DOCK8: variants seen among roughly 807,000 people sequenced by gnomAD.
DOCK8 encodes the protein dedicator of cytokinesis protein 8.
In DOCK8, 141 loss-of-function variants were observed where a neutral mutation model predicts 245.6. That is an observed-to-expected ratio of 0.57 (90% CI 0.50 to 0.66). The LOEUF is 0.66. DOCK8 is among the 30% of genes least tolerant of loss of function. The probability of loss-of-function intolerance (pLI) is 0.00; values close to 1 mark genes in which losing one functional copy is unlikely to be tolerated. For synonymous variants in DOCK8, 1,168 were observed against 970.2 expected (o/e 1.20, Z -3.79); for missense variants, 2,965 against 2,603.4 (o/e 1.14, Z -3.02).
chr9:233,615 C>T (rs1166677422), intron 1 of DOCK8, among the ~76,000 whole-genome samples: 1 of 152,052 alleles, frequency 6.6e-6, no homozygotes, highest in African/African-American at 2.4e-5. Flanking sequence ...GGATAGTTAG[C>T]TCTTCTTGTT....
At position 386,440 on chromosome 9, in the gene DOCK8, C is replaced by A; in HGVS notation, c.2874+14C>A. The A allele has an allele frequency of 6.2e-7, 1 of 1,607,344 alleles. No homozygotes were observed. Among genetic ancestry groups the A allele is most frequent in the South Asian group, 1.1e-5 (1 of 90,870 alleles). ...GCCAGCAAAAAGGTACTGAAGAGAG[C>A]AATGTGAGGTTCATCCCAGGATAAG... On this transcript the variant is annotated intron_variant, in intron 23 of 47. Coordinates refer to ENST00000432829, the MANE Select transcript of DOCK8 (RefSeq NM_203447.4).
chr9:423,296 T>C (rs1437961037), intron 33 of DOCK8, among the ~76,000 whole-genome samples: 1 of 152,198 alleles, frequency 6.6e-6, no homozygotes, highest in African/African-American at 2.4e-5. Context: ...AATTTAGACA[T>C]ATGAAAGCTA....
chr9:443,558 C>G, intron 43 of DOCK8, 42 bp downstream of exon 43: 1 of 1,490,486 alleles, frequency 6.7e-7, no homozygotes, highest in South Asian at 1.1e-5. Context: ...AGCTCTAAAT[C>G]CCTTCGTTCT....
intron 14 of DOCK8, chr9:366,113 G>A (rs2052985496): frequency 5.9e-6 from 1 of 168,182 alleles, no homozygotes; most frequent in African/African-American, 2.4e-5. Context: ...GCTCAGTCTA[G>A]GTGCCTCCTG....
intron 1 of DOCK8, among the ~76,000 whole-genome samples, chr9:225,302 C>G (rs538012804): frequency 2.0e-5 from 3 of 152,274 alleles, no homozygotes; most frequent in African/African-American, 7.2e-5. Context: ...AAGGGCAACA[C>G]CTCTGAGGAG....
At position 399,246 on chromosome 9, in the gene DOCK8, A is replaced by T. The variant is rs778203707; in HGVS notation, c.3221A>T (p.His1074Leu). 1 of 1,612,844 alleles carries T rather than the reference A, an allele frequency of 6.2e-7. No individual in the cohort carries two copies. Among genetic ancestry groups the T allele is most frequent in the East Asian group, 2.2e-5 (1 of 44,834 alleles). Reference sequence around the variant, plus strand: ...GGCTTTGTGTTTAACCTCATCAGACATTATTGCAGCCAGGTGAGTGTCCCC... The same window carrying T: ...GGCTTTGTGTTTAACCTCATCAGACTTTATTGCAGCCAGGTGAGTGTCCCC... ...DRGFVFNLIR[H>L]YCSQLSAKLS... Residue 1074 changes from histidine to leucine, a missense_variant, in exon 26 of 48, where the codon CAT becomes CTT. Physicochemically the swap from His to Leu is moderately conservative, Grantham distance 99 (BLOSUM62 -3). Transcript: ENST00000432829.
intron 5 of DOCK8, among the ~76,000 whole-genome samples, chr9:308,661 GTTCT>G (rs2049956743): frequency 6.6e-6 from 1 of 151,988 alleles, no homozygotes. Context: ...ATTAATACGT[GTTCT>G]TTCTTTTTTA....
chr9:375,515 A>C (rs187319344), intron 18 of DOCK8, among the ~76,000 whole-genome samples: 20 of 152,280 alleles, frequency 1.3e-4, no homozygotes, highest in Admixed American at 7.2e-4. Context: ...GATATTCTAT[A>C]CTTTGTCCTG....
At chr9:291,460 G>A (rs565157943) in intron 4 of DOCK8, among the ~76,000 whole-genome samples, 1 of 152,190 alleles carries the variant, frequency 6.6e-6, no homozygotes, top group African/African-American at 2.4e-5. Flanking sequence ...AACTAAATAA[G>A]ATTATAATAT....
chr9:357,802 T>C (rs1563960171), intron 14 of DOCK8, among the ~76,000 whole-genome samples: 2 of 152,238 alleles, frequency 1.3e-5, no homozygotes, highest in African/African-American at 2.4e-5. Flanking sequence ...CTTGTGGGGC[T>C]CTGACTGGTG....
chr9:453,128 TCTC>T (rs1365236431), intron 46 of DOCK8, among the ~76,000 whole-genome samples: 7 of 152,230 alleles, frequency 4.6e-5, no homozygotes, highest in African/African-American at 1.7e-4. Context: ...GTTAGAGATA[TCTC>T]CTCCTTCACA....
At chr9:228,849 G>A (rs934539411) in intron 1 of DOCK8, among the ~76,000 whole-genome samples, 8 of 152,254 alleles carry the variant, frequency 5.3e-5, no homozygotes, top group African/African-American at 1.4e-4. Flanking sequence ...TGCCATTATC[G>A]GGTGGCTCAA....
intron 1 of DOCK8, among the ~76,000 whole-genome samples, chr9:243,132 A>C (rs2047417173): frequency 6.6e-6 from 1 of 152,188 alleles, no homozygotes; most frequent in South Asian, 2.1e-4. Context: ...CAATCCATTA[A>C]AAACACTGCC....
intron 33 of DOCK8, 136 bp downstream of exon 33, chr9:422,271 T>A: frequency 1.3e-6 from 1 of 797,704 alleles, no homozygotes; most frequent in East Asian, 2.7e-5. Flanking sequence ...TAAATACAAT[T>A]CATCCAGGGA....
chr9:419,232 G>A (rs932588115), intron 30 of DOCK8, among the ~76,000 whole-genome samples: 1 of 152,230 alleles, frequency 6.6e-6, no homozygotes, highest in Non-Finnish European at 1.5e-5. Context: ...CTTCTTGCTG[G>A]ATGACTTTCT....
intron 45 of DOCK8, 98 bp from the exon 46 acceptor site, chr9:451,913 A>G (rs62531949): frequency 3.2e-5 from 10 of 308,394 alleles, no homozygotes; most frequent in Non-Finnish European, 5.1e-5. Flanking sequence ...ATACATATGC[A>G]TATACATATA....
intron 46 of DOCK8, among the ~76,000 whole-genome samples, chr9:458,769 C>A (rs1297549361): frequency 6.6e-6 from 1 of 152,144 alleles, no homozygotes; most frequent in Non-Finnish European, 1.5e-5. Flanking sequence ...TGAGATCATG[C>A]CACTGCCTTC....
intron 1 of DOCK8, among the ~76,000 whole-genome samples, chr9:250,255 A>G (rs1372410595): frequency 6.6e-6 from 1 of 152,240 alleles, no homozygotes. Flanking sequence ...GCAGTTGGGC[A>G]AAAGAGGATA....
chr9:383,411 A>G (rs569631994), intron 22 of DOCK8, among the ~76,000 whole-genome samples: 1 of 152,334 alleles, frequency 6.6e-6, no homozygotes, highest in Admixed American at 6.5e-5. Flanking sequence ...ACATGCCTGT[A>G]ATCCCAGCTA....
Sources: gnomAD v4.1 joint callset for allele counts (sites outside exome capture counted in the v4.1 genomes callset) on GRCh38, gnomAD v4.1.1 for gene constraint, MANE v1.5 for transcripts, NCBI Gene and HGNC (gene_info 2026-07-23, HGNC 2026-07-21) for gene names.